Variants in ECPAS observed in about 807,000 individuals in gnomAD.
ECPAS encodes proteasome adapter and scaffold protein ECM29.
A neutral mutation model predicts 255.1 loss-of-function variants in ECPAS; 70 were observed. That is an observed-to-expected ratio of 0.27 (90% CI 0.23 to 0.33). ECPAS has a LOEUF of 0.33. ECPAS is among the 10% of genes least tolerant of loss of function. The pLI is 1.00. For missense variants in ECPAS, 1,817 were observed against 2,206.4 expected (o/e 0.82, Z 3.54); for synonymous variants, 784 against 775.0 (o/e 1.01, Z -0.19).
At chr9:111,482,171 C>CGAA (rs2098306649) in intron 1 of ECPAS, among the ~76,000 whole-genome samples, 1 of 152,178 alleles carries the variant, frequency 6.6e-6, no homozygotes, top group South Asian at 2.1e-4. Context: ...GTGGTGCTTC[C>CGAA]ACGTGGAACC....
intron 12 of ECPAS, 140 bp from the exon 13 acceptor site, chr9:111,423,388 A>G: frequency 1.6e-6 from 1 of 636,066 alleles, no homozygotes; most frequent in Non-Finnish European, 2.7e-6. Context: ...CACTCTGTCT[A>G]ACTACATGGT....
chr9:111,420,056 A>G lies in ECPAS; in HGVS notation c.1520T>C (p.Ile507Thr). 6.2e-7 allele frequency: 1 copy of G among 1,613,090 alleles called. No individual in the cohort carries two copies. The highest frequency in any genetic ancestry group is 8.5e-7 in the Non-Finnish European group (1 of 1,179,350). Residue 507 changes from isoleucine to threonine, a missense_variant, in exon 16 of 50, where the codon ATC becomes ACC. Coordinates refer to ENST00000684092, the MANE Select transcript of ECPAS (RefSeq NM_001364929.1). ...CAGTAGCAGCAAATATCTGGAAGGG[A>G]TATGATCTGAGGGAAACACCGTACT... is the stretch of plus-strand genomic sequence containing the variant. ...FASTVFPSDH[I>T]PSRYLLLLAA...
intron 2 of ECPAS, among the ~76,000 whole-genome samples, chr9:111,461,464 C>CA (rs1007545620): frequency 1.3e-5 from 2 of 151,346 alleles, no homozygotes; most frequent in African/African-American, 2.4e-5. Context: ...GACCTTGTCT[C>CA]AAAAAAATAA....
At chr9:111,421,494 C>A (rs1293144994) in intron 15 of ECPAS, among the ~76,000 whole-genome samples, 12 of 147,718 alleles carry the variant, frequency 8.1e-5, no homozygotes, top group Non-Finnish European at 8.9e-5. Context: ...CCATGAAAAC[C>A]AAATAAAGAG....
chr9:111,376,342 A>G, intron 37 of ECPAS, 134 bp downstream of exon 37: 2 of 651,612 alleles, frequency 3.1e-6, no homozygotes, highest in South Asian at 3.7e-5. Context: ...ATATACTAAG[A>G]AAAAACTGGA....
chr9:111,366,193 C>T lies in ECPAS; in HGVS notation c.5308+46G>A, dbSNP rs1390369848. On this transcript the variant is annotated intron_variant, in intron 48 of 49. Coordinates refer to ENST00000684092, the MANE Select transcript of ECPAS (RefSeq NM_001364929.1). ...AAATATTTGAAGCTCAGCTCCTTAG[C>T]TTTAAAATTAGGACTCCCTCATCAG... The T allele has an allele frequency of 3.2e-6, 4 of 1,262,224 alleles. No homozygotes were observed. The African/African-American group carries it at 4.5e-5, about 14-fold the overall frequency. 78.2% of individuals were successfully genotyped at this position (1,262,224 alleles called of 1,614,324 possible). A position where few individuals can be genotyped will look rare whatever the true frequency, so the allele number is the denominator to read the frequency against.
At chr9:111,379,663 T>TA (rs1259773287) in intron 35 of ECPAS, among the ~76,000 whole-genome samples, 7 of 152,232 alleles carry the variant, frequency 4.6e-5, no homozygotes, top group South Asian at 4.1e-4. Flanking sequence ...CTTTCAAAGT[T>TA]AGAGTCAATC....
At chr9:111,401,691 T>C (rs188096146) in intron 24 of ECPAS, among the ~76,000 whole-genome samples, 3 of 152,332 alleles carry the variant, frequency 2.0e-5, no homozygotes, top group East Asian at 1.9e-4. Context: ...TAGCCATTCA[T>C]AGACCTCCCG....
chr9:111,362,236 G>C (rs1402131092), intron 49 of ECPAS, 67 bp from the exon 50 acceptor site: 1 of 1,341,560 alleles, frequency 7.5e-7, no homozygotes, highest in Admixed American at 2.8e-5. Flanking sequence ...AAACCCCAAA[G>C]AATCCTTATA....
intron 8 of ECPAS, among the ~76,000 whole-genome samples, chr9:111,431,034 A>T (rs1485727293): frequency 6.6e-6 from 1 of 152,226 alleles, no homozygotes; most frequent in Non-Finnish European, 1.5e-5. Context: ...TTGGCAGTTC[A>T]AAAGTGATAA....
rs185482334 is a variant in ECPAS at position 111,362,268 on chromosome 9, A to T, written c.5381-99T>A. The T allele has an allele frequency of 3.4e-3, 3,222 of 952,932 alleles. 81 individuals are homozygous for T. The African/African-American group carries it at 0.048, about 14-fold the overall frequency. 59.0% of individuals were successfully genotyped at this position (952,932 alleles called of 1,614,324 possible). Reference sequence around the variant, plus strand: ...TATAGAACAAGCAAGAAAAAAATTTAAAAATATCCTATCCCCCAAATAAAT... The same window carrying T: ...TATAGAACAAGCAAGAAAAAAATTTTAAAATATCCTATCCCCCAAATAAAT... On this transcript the variant is annotated intron_variant, in intron 49 of 49. Transcript: ENST00000684092.
intron 1 of ECPAS, among the ~76,000 whole-genome samples, chr9:111,479,750 G>T (rs2098301550): frequency 6.6e-6 from 1 of 151,876 alleles, no homozygotes. Flanking sequence ...GGAGGCTGAG[G>T]TGGGGGGATC....
intron 1 of ECPAS, 81 bp downstream of exon 1, chr9:111,484,035 G>T: frequency 9.4e-7 from 1 of 1,060,650 alleles, no homozygotes; most frequent in Non-Finnish European, 1.1e-6. Context: ...GACACGCGGC[G>T]GCCTGTGCGG....
At chr9:111,472,736 T>G (rs1209750651) in intron 2 of ECPAS, among the ~76,000 whole-genome samples, 161 bp downstream of exon 2, 4 of 151,988 alleles carry the variant, frequency 2.6e-5, no homozygotes, top group Non-Finnish European at 5.9e-5. Flanking sequence ...TTCAGGCATT[T>G]GTAAATTAAC....
At chr9:111,474,117 T>C (rs1305128729) in intron 1 of ECPAS, among the ~76,000 whole-genome samples, 1 of 152,202 alleles carries the variant, frequency 6.6e-6, no homozygotes, top group Admixed American at 6.5e-5. Flanking sequence ...TGATTCCAGT[T>C]CCAGAGGTTT....
At chr9:111,366,192 G>T in intron 48 of ECPAS, 47 bp downstream of exon 48, 1 of 1,238,088 alleles carries the variant, frequency 8.1e-7, no homozygotes, top group Non-Finnish European at 1.2e-6. Context: ...CAGCTCCTTA[G>T]CTTTAAAATT....
intron 2 of ECPAS, among the ~76,000 whole-genome samples, chr9:111,456,321 A>G (rs2098266904): frequency 6.6e-6 from 1 of 152,226 alleles, no homozygotes; most frequent in African/African-American, 2.4e-5. Context: ...ATAACGTAAA[A>G]AAGCACAGTG....
In ECPAS at chr9:111,370,606, C is replaced by T. The variant is rs1391888194; in HGVS notation, c.4803G>A (p.Val1601=). The change falls in exon 45 of 50, where the codon GTG becomes GTA. Residue 1601 remains valine (V), a synonymous_variant. Coordinates refer to ENST00000684092, the MANE Select transcript of ECPAS (RefSeq NM_001364929.1). The part of the protein sequence containing the change: ...TACSAELEKS[V]PNQPSTNEIL... ...TTTCATTTGTGCTGGGTTGATTGGG[C>T]ACAGACTTTTCCAGCTCTGCACTAC... 1.2e-6 allele frequency: 2 copies of T among 1,610,748 alleles called. No homozygotes were observed. The highest frequency in any genetic ancestry group is 1.7e-6 in the Non-Finnish European group (2 of 1,178,452).
Position 111,425,499 on chromosome 9 carries a change from T to G in ECPAS, c.1137-3A>C. 1 of 1,584,698 alleles carries G rather than the reference T, an allele frequency of 6.3e-7. No individual in the cohort carries two copies. The highest frequency in any genetic ancestry group is 8.6e-7 in the Non-Finnish European group (1 of 1,166,126). On this transcript the variant is annotated splice_region_variant and splice_polypyrimidine_tract_variant and intron_variant, in intron 11 of 49. Transcript: ENST00000684092. ...GCTTAATCTTGATTTCTGGACAGCT[T>G]TAAATAAAACACACATACACAAAGC...
Sources: allele counts gnomAD v4.1 joint callset (sites outside exome capture counted in the v4.1 genomes callset), GRCh38; gene constraint gnomAD v4.1.1; transcripts MANE v1.5; gene names NCBI Gene and HGNC (gene_info 2026-07-23, HGNC 2026-07-21).